Variants in SLC44A1 observed in about 807,000 individuals in gnomAD.
SLC44A1 encodes choline transporter-like protein 1.
A neutral mutation model predicts 79.3 loss-of-function variants in SLC44A1; 26 were observed. That is an observed-to-expected ratio of 0.33 (90% CI 0.24 to 0.46). The LOEUF (loss-of-function observed/expected upper bound fraction) is 0.46, where lower values mean the gene tolerates loss of function less well. Among genes scored for constraint, SLC44A1 ranks in the 20% least tolerant of loss-of-function variants. The pLI, the probability that SLC44A1 is intolerant of heterozygous loss-of-function variation, is 1.00. For synonymous variants in SLC44A1, 263 were observed against 286.2 expected (o/e 0.92, Z 0.82); for missense variants, 688 against 798.1 (o/e 0.86, Z 1.66).
intron 3 of SLC44A1, among the ~76,000 whole-genome samples, chr9:105,334,655 A>T (rs1345465204): frequency 6.6e-6 from 1 of 152,180 alleles, no homozygotes; most frequent in African/African-American, 2.4e-5. Flanking sequence ...GTGTTATTGC[A>T]CTTAGCTTAT....
chr9:105,387,060 A>AAAAAAAAATATATATAT (rs34780893), intron 15 of SLC44A1, among the ~76,000 whole-genome samples: 1 of 7,730 alleles, frequency 1.3e-4, no homozygotes, highest in African/African-American at 4.1e-4. Flanking sequence ...AAAAAAAAAA[A>AAAAAAAAATATATATAT]ATATATATAT....
chr9:105,354,139 C>T (rs1176122841), intron 5 of SLC44A1, among the ~76,000 whole-genome samples: 4 of 147,330 alleles, frequency 2.7e-5, no homozygotes, highest in Non-Finnish European at 5.9e-5. Flanking sequence ...CAAGCTCCGC[C>T]TCCCGGGTTC....
At chr9:105,265,307 A>T (rs1431013208) in intron 1 of SLC44A1, among the ~76,000 whole-genome samples, 1 of 152,116 alleles carries the variant, frequency 6.6e-6, no homozygotes, top group Non-Finnish European at 1.5e-5. Context: ...TTGTCATCAG[A>T]TCACTCCTCT....
intron 2 of SLC44A1, among the ~76,000 whole-genome samples, chr9:105,304,318 A>G (rs533431540): frequency 3.8e-4 from 58 of 152,332 alleles, no homozygotes; most frequent in African/African-American, 1.3e-3. Flanking sequence ...GATCACAGAA[A>G]TAAGAACAAC....
intron 12 of SLC44A1, among the ~76,000 whole-genome samples, chr9:105,371,007 A>G (rs980568874): frequency 1.3e-5 from 2 of 152,240 alleles, no homozygotes; most frequent in African/African-American, 4.8e-5. Context: ...TCTCTTGATT[A>G]TATCTTAGAA....
intron 4 of SLC44A1, among the ~76,000 whole-genome samples, chr9:105,343,371 A>C (rs1260928813): frequency 6.6e-6 from 1 of 152,186 alleles, no homozygotes; most frequent in Non-Finnish European, 1.5e-5. Context: ...ACTTTAACAG[A>C]TTATGTGATC....
In SLC44A1 at chr9:105,392,399, CTCTCTTTTT is replaced by C. The variant is rs551447945; in HGVS notation, c.*3345_*3353del. 0.22 allele frequency: 159,198 copies of C among 731,510 alleles called. 6,953 individuals carry two copies. Among genetic ancestry groups the C allele is most frequent in the Admixed American group, 0.27 (2,262 of 8,260 alleles). 45.3% of individuals were successfully genotyped at this position (731,510 alleles called of 1,614,324 possible). On this transcript the variant is annotated 3_prime_UTR_variant, in exon 16 of 16. Coordinates refer to ENST00000374720, the MANE Select transcript of SLC44A1 (RefSeq NM_080546.5). ...TTTTGTAGAGATGCTCTCTCTCTCT[CTCTCTTTTT>C]TTTTTTTTTTTTTTTTTTTTTTCCG...
In SLC44A1 at chr9:105,392,145, A is replaced by G; in HGVS notation, c.*3089A>G. 1 of 985,392 alleles carries G rather than the reference A, an allele frequency of 1.0e-6. No homozygotes were observed. The highest frequency in any genetic ancestry group is 1.2e-6 in the Non-Finnish European group (1 of 829,892). The allele number at this position is 985,392 out of a possible 1,614,324, so 61.0% of individuals were successfully genotyped here. On this transcript the variant is annotated 3_prime_UTR_variant, in exon 16 of 16. Coordinates refer to ENST00000374720, the MANE Select transcript of SLC44A1 (RefSeq NM_080546.5). ...TTAGCTAGAGCACTGAGATTGTATA[A>G]TCCTTGCATGGATGAGCAGAGCTCA...
intron 15 of SLC44A1, among the ~76,000 whole-genome samples, chr9:105,433,835 A>G (rs1368568480): frequency 6.6e-6 from 1 of 152,198 alleles, no homozygotes; most frequent in Non-Finnish European, 1.5e-5. Flanking sequence ...GACAAGATCT[A>G]CCCACGAATA....
At chr9:105,400,120 G>A (rs370446111), downstream of SLC44A1, among the ~76,000 whole-genome samples, 2 of 152,040 alleles carry the variant, frequency 1.3e-5, no homozygotes, top group South Asian at 4.2e-4. Flanking sequence ...GCTTGAACCC[G>A]GGAGGCATAC....
intron 1 of SLC44A1, among the ~76,000 whole-genome samples, chr9:105,272,204 A>G (rs561233133): frequency 3.3e-4 from 51 of 152,332 alleles, no homozygotes; most frequent in African/African-American, 1.1e-3. Flanking sequence ...GAGAAAATAC[A>G]TAACTTTTTT....
intron 4 of SLC44A1, among the ~76,000 whole-genome samples, chr9:105,337,145 G>A (rs1422517162): frequency 6.6e-6 from 1 of 152,098 alleles, no homozygotes; most frequent in African/African-American, 2.4e-5. Context: ...GGAGGGGTGA[G>A]CCCTTCCTTA....
Position 105,393,784 on chromosome 9 carries a change from C to A in SLC44A1, c.*4728C>A. The stretch of plus-strand genomic sequence containing the variant: ...TTTGTGAAAAACATGTGAGATTGTT[C>A]GAGACCTATTAGGCTATTCTTCAGT... On this transcript the variant is annotated 3_prime_UTR_variant, in exon 16 of 16. Transcript: ENST00000374720. 2.0e-6 allele frequency: 2 copies of A among 985,210 alleles called. No individual in the cohort carries two copies. Among genetic ancestry groups the A allele is most frequent in the Non-Finnish European group, 1.2e-6 (1 of 829,820 alleles). 61.0% of individuals were successfully genotyped at this position (985,210 alleles called of 1,614,324 possible). A position where few individuals can be genotyped will look rare whatever the true frequency, so the allele number is the denominator to read the frequency against.
chr9:105,343,289 A>T (rs546687862), intron 4 of SLC44A1, among the ~76,000 whole-genome samples: 15 of 152,232 alleles, frequency 9.9e-5, no homozygotes, highest in Non-Finnish European at 1.9e-4. Context: ...TCTGCCCTTG[A>T]GATAATGTTC....
intron 12 of SLC44A1, among the ~76,000 whole-genome samples, chr9:105,372,758 A>G (rs78816091): frequency 0.13 from 15,634 of 124,908 alleles, 1,321 homozygotes; most frequent in East Asian, 0.23. Flanking sequence ...AGACCATCCC[A>G]GCTAAAACGG....
At chr9:105,275,804 ATTTT>A (rs1229808333) in intron 1 of SLC44A1, among the ~76,000 whole-genome samples, 3 of 138,924 alleles carry the variant, frequency 2.2e-5, no homozygotes, top group Non-Finnish European at 4.7e-5. Flanking sequence ...TGGAAGAACA[ATTTT>A]TTTTTTTTTT....
intron 3 of SLC44A1, among the ~76,000 whole-genome samples, chr9:105,312,240 A>G (rs901031751): frequency 1.3e-5 from 2 of 152,192 alleles, no homozygotes; most frequent in African/African-American, 2.4e-5. Context: ...CAATCTGCAC[A>G]TGGCTAAACT....
At chr9:105,249,155 C>T (rs1829522301) in intron 1 of SLC44A1, among the ~76,000 whole-genome samples, 1 of 152,174 alleles carries the variant, frequency 6.6e-6, no homozygotes, top group Non-Finnish European at 1.5e-5. Flanking sequence ...TTGTAGCACT[C>T]ATATTCTGTT....
chr9:105,374,668 T>C lies in SLC44A1; in HGVS notation c.1565T>C (p.Leu522Pro). ...TCAGCAAAGGATGCCTTTGTCATTCTGGTGGAGAATGCTTTGCGAGTGGCT... is the reference window on the plus strand; with the variant it reads ...TCAGCAAAGGATGCCTTTGTCATTCCGGTGGAGAATGCTTTGCGAGTGGCT... ...CTSAKDAFVI[L>P]VENALRVATI... Residue 522 changes from leucine to proline, a missense_variant, in exon 13 of 16, where the codon CTG becomes CCG. Coordinates refer to ENST00000374720, the MANE Select transcript of SLC44A1 (RefSeq NM_080546.5). The C allele has an allele frequency of 6.2e-7, 1 of 1,613,804 alleles. No individual in the cohort carries two copies. Among genetic ancestry groups the C allele is most frequent in the African/African-American group, 1.3e-5 (1 of 75,058 alleles).
Sources: gnomAD v4.1 joint callset for allele counts (sites outside exome capture counted in the v4.1 genomes callset) on GRCh38, gnomAD v4.1.1 for gene constraint, MANE v1.5 for transcripts, NCBI Gene and HGNC (gene_info 2026-07-23, HGNC 2026-07-21) for gene names.